Variants in ERBB4 observed in about 807,000 individuals in gnomAD.
ERBB4 encodes erb-b2 receptor tyrosine kinase 4.
Under a neutral mutation model 158.0 loss-of-function variants are expected in ERBB4, and 42 were observed. The ratio of observed to expected loss-of-function variants is 0.27; its 90% CI spans 0.21 to 0.34. The LOEUF is 0.34. Ranked by LOEUF, ERBB4 falls within the 10% of genes least tolerant of loss-of-function variation. The probability of loss-of-function intolerance (pLI) is 1.00; values close to 1 mark genes in which losing one functional copy is unlikely to be tolerated. For missense variants in ERBB4, 1,333 were observed against 1,624.1 expected, an observed-to-expected ratio of 0.82 and a Z score of 3.08; for synonymous variants, 583 against 558.7, an observed-to-expected ratio of 1.04 and a Z score of -0.61.
intron 20 of ERBB4, among the ~76,000 whole-genome samples, chr2:211,551,740 A>G (rs964734124): frequency 1.3e-5 from 2 of 152,248 alleles, no homozygotes; most frequent in Non-Finnish European, 2.9e-5. Context: ...GAATTAAACT[A>G]GAAATGTCAG....
chr2:211,398,546 T>A (rs12990779), intron 25 of ERBB4, among the ~76,000 whole-genome samples: 50,911 of 151,952 alleles, frequency 0.34, 8,651 homozygotes, highest in East Asian at 0.38. Context: ...TCCCCTGCTT[T>A]AAAAATTGCA....
chr2:212,351,176 C>T (rs555626747), intron 1 of ERBB4, among the ~76,000 whole-genome samples: 1 of 152,102 alleles, frequency 6.6e-6, no homozygotes, highest in Non-Finnish European at 1.5e-5. Context: ...GACAGGTGTC[C>T]TTATAAGGAG....
chr2:211,750,171 T>A (rs2075089057), intron 5 of ERBB4, among the ~76,000 whole-genome samples: 1 of 152,192 alleles, frequency 6.6e-6, no homozygotes, highest in Non-Finnish European at 1.5e-5. Context: ...TTTCCATAAT[T>A]CATAAAGTTT....
At chr2:212,301,014 T>C (rs2086598906) in intron 1 of ERBB4, among the ~76,000 whole-genome samples, 1 of 151,560 alleles carries the variant, frequency 6.6e-6, no homozygotes, top group South Asian at 2.1e-4. Context: ...TAAACAAGAA[T>C]ATGCTTCCAT....
At chr2:212,467,088 C>T (rs936684339) in intron 1 of ERBB4, among the ~76,000 whole-genome samples, 1 of 152,084 alleles carries the variant, frequency 6.6e-6, no homozygotes, top group Non-Finnish European at 1.5e-5. Flanking sequence ...ATCTAAGCAA[C>T]AAAACATTCA....
At chr2:212,132,732 T>G (rs964336806) in intron 1 of ERBB4, among the ~76,000 whole-genome samples, 10 of 152,098 alleles carry the variant, frequency 6.6e-5, no homozygotes, top group Non-Finnish European at 1.5e-4. Flanking sequence ...GCCTCCATAA[T>G]TGTGTGAGCC....
intron 1 of ERBB4, among the ~76,000 whole-genome samples, chr2:212,464,773 G>A (rs1487240887): frequency 6.6e-6 from 1 of 151,952 alleles, no homozygotes; most frequent in Non-Finnish European, 1.5e-5. Flanking sequence ...AACAAATGGT[G>A]GTCAATTAAT....
chr2:212,091,039 G>C (rs1016201383), intron 2 of ERBB4, among the ~76,000 whole-genome samples: 3 of 151,996 alleles, frequency 2.0e-5, no homozygotes, highest in Non-Finnish European at 4.4e-5. Flanking sequence ...CATATTCCCA[G>C]CAGGAGTTCA....
Position 212,304,272 on chromosome 2 carries a change from G to A in ERBB4, c.83-179369C>T, listed in dbSNP as rs557459909. Among the ~76,000 whole-genome samples the A allele has an allele frequency of 3.7e-3, 563 of 151,544 alleles. 1 individual carries two copies. Among genetic ancestry groups the A allele is most frequent in the Middle Eastern group, 0.01 (3 of 294 alleles). On this transcript the variant is annotated intron_variant, in intron 1 of 27. Coordinates refer to ENST00000342788, the MANE Select transcript of ERBB4 (RefSeq NM_005235.3). ...TTTTAGAACCAATCACGGAAAGCCCGTGAAACTAATTCTCTCCCAATTTCC... is the reference window on the plus strand; with the variant it reads ...TTTTAGAACCAATCACGGAAAGCCCATGAAACTAATTCTCTCCCAATTTCC...
chr2:212,190,580 G>C (rs920026396), intron 1 of ERBB4, among the ~76,000 whole-genome samples: 2 of 151,160 alleles, frequency 1.3e-5, no homozygotes, highest in Non-Finnish European at 2.9e-5. Context: ...GGGCGCCTTT[G>C]ATACATAAGT....
intron 16 of ERBB4, among the ~76,000 whole-genome samples, chr2:211,648,839 C>T (rs2070875489): frequency 6.6e-6 from 1 of 151,614 alleles, no homozygotes; most frequent in Non-Finnish European, 1.5e-5. Flanking sequence ...TTTTAGTGTC[C>T]ATGAAATTTG....
chr2:211,750,665 C>G lies in ERBB4; in HGVS notation c.596G>C (p.Gly199Ala). 6.2e-7 allele frequency: 1 copy of G among 1,613,922 alleles called. No homozygotes were observed. The highest frequency in any genetic ancestry group is 8.5e-7 in the Non-Finnish European group (1 of 1,179,878). Residue 199 changes from glycine (G) to alanine (A), a missense_variant, in exon 5 of 28, where the codon GGA becomes GCA. Gly to Ala is a moderately conservative substitution (Grantham distance 60, BLOSUM62 0). Transcript: ENST00000342788. Reference protein sequence around the residue: ...CHKSCTGRCWGPTENHCQTLT... With the variant: ...CHKSCTGRCWAPTENHCQTLT... ...AGTCTGGCAATGATTTTCTGTGGGTCCCCAGCAACGGCCAGTACAGGACTT... is the reference window on the plus strand; with the variant it reads ...AGTCTGGCAATGATTTTCTGTGGGTGCCCAGCAACGGCCAGTACAGGACTT...
At chr2:212,125,652 T>C (rs1170751985) in intron 1 of ERBB4, among the ~76,000 whole-genome samples, 2 of 152,220 alleles carry the variant, frequency 1.3e-5, no homozygotes, top group Non-Finnish European at 2.9e-5. Flanking sequence ...CTCCCACTTA[T>C]AAATAAGAAC....
At chr2:212,190,468 T>TGG (rs1177740827) in intron 1 of ERBB4, among the ~76,000 whole-genome samples, 1 of 141,802 alleles carries the variant, frequency 7.1e-6, no homozygotes, top group Non-Finnish European at 1.5e-5. Context: ...ACCCGGGAGG[T>TGG]GGGGCTTGCA....
At chr2:211,440,779 T>G (rs901302151) in intron 20 of ERBB4, among the ~76,000 whole-genome samples, 2 of 152,190 alleles carry the variant, frequency 1.3e-5, no homozygotes, top group Non-Finnish European at 2.9e-5. Flanking sequence ...TTATAACTGC[T>G]GAATACTTTT....
intron 3 of ERBB4, among the ~76,000 whole-genome samples, chr2:211,866,101 A>G (rs2078199128): frequency 6.6e-6 from 1 of 152,160 alleles, no homozygotes. Context: ...AATACAAAAA[A>G]TTAACCTGGT....
chr2:211,507,960 T>G (rs1189326243), intron 20 of ERBB4, among the ~76,000 whole-genome samples: 1 of 152,138 alleles, frequency 6.6e-6, no homozygotes, highest in Non-Finnish European at 1.5e-5. Flanking sequence ...GACCCTTTCC[T>G]TACACCTTAT....
intron 2 of ERBB4, among the ~76,000 whole-genome samples, chr2:212,031,846 A>G (rs7607942): frequency 0.24 from 35,785 of 151,974 alleles, 5,360 homozygotes; most frequent in Non-Finnish European, 0.34. Flanking sequence ...TGTGCAGAAA[A>G]GACTCAAGGA....
intron 1 of ERBB4, among the ~76,000 whole-genome samples, chr2:212,163,688 A>G (rs1184197281): frequency 3.9e-5 from 6 of 152,080 alleles, no homozygotes. Context: ...ATTAAAAGCC[A>G]GTTATACAAA....
Sources: allele counts gnomAD v4.1 joint callset (sites outside exome capture counted in the v4.1 genomes callset), GRCh38; gene constraint gnomAD v4.1.1; transcripts MANE v1.5; gene names NCBI Gene and HGNC (gene_info 2026-07-23, HGNC 2026-07-21).